Variants in NMNAT2 observed in about 807,000 individuals in gnomAD.
NMNAT2 encodes the protein nicotinamide nucleotide adenylyltransferase 2.
Under a neutral mutation model 41.6 loss-of-function variants are expected in NMNAT2, and 11 were observed. The ratio of observed to expected loss-of-function variants is 0.26; its 90% CI spans 0.17 to 0.44. The LOEUF is 0.44. NMNAT2 is among the 20% of genes least tolerant of loss of function. The probability of loss-of-function intolerance (pLI) is 1.00; values close to 1 mark genes in which losing one functional copy is unlikely to be tolerated. For missense variants in NMNAT2, 288 were observed against 407.7 expected, an observed-to-expected ratio of 0.71 and a Z score of 2.53; for synonymous variants, 148 against 151.2, an observed-to-expected ratio of 0.98 and a Z score of 0.16.
intron 1 of NMNAT2, among the ~76,000 whole-genome samples, chr1:183,348,428 A>G (rs919637148): frequency 1.3e-5 from 2 of 152,242 alleles, no homozygotes; most frequent in Non-Finnish European, 2.9e-5. Flanking sequence ...TCCCCTGTAT[A>G]TAAGGAACTG....
intron 1 of NMNAT2, among the ~76,000 whole-genome samples, chr1:183,362,321 G>C (rs1157121018): frequency 6.6e-6 from 1 of 152,092 alleles, no homozygotes; most frequent in African/African-American, 2.4e-5. Flanking sequence ...GTGATTTTTA[G>C]TGTCTTCAGA....
At position 183,403,230 on chromosome 1, in the gene NMNAT2, G is replaced by A. The variant is rs189533876; in HGVS notation, c.85+14953C>T. ...ATTACAGGCATGAGCCACTGCACCC[G>A]GCCAAACAACATCATATCTTATTCC... On this transcript the variant is annotated intron_variant, in intron 1 of 10. Transcript: ENST00000287713. Among the ~76,000 whole-genome samples, 65 of 152,144 alleles carry A rather than the reference G, an allele frequency of 4.3e-4. No individual in the cohort carries two copies. In the East Asian group the frequency reaches 0.012, roughly 28 times the overall value.
rs1660410953 is a variant in NMNAT2, at chr1:183,252,379, T to C, written c.*262A>G. On this transcript the variant is annotated 3_prime_UTR_variant, in exon 11 of 11. Transcript: ENST00000287713. ...ATGCTGGGAGACGGACACCAGTACA[T>C]CTCCAAGGACTGCACTTCCCCCGAC... The C allele has an allele frequency of 5.4e-5, 26 of 485,618 alleles. No homozygotes were observed. The highest frequency in any genetic ancestry group is 5.0e-4 in the South Asian group (23 of 45,888). The allele number at this position is 485,618 out of a possible 1,614,324, so 30.1% of individuals were successfully genotyped here. A position where few individuals can be genotyped will look rare whatever the true frequency, so the allele number is the denominator to read the frequency against.
Position 183,252,763 on chromosome 1 carries a change from A to G in NMNAT2, c.822-20T>C. On this transcript the variant is annotated intron_variant, in intron 10 of 10. Transcript: ENST00000287713. Reference sequence around the variant, plus strand: ...GCCAGCCTGCACAAGAAGAGATGACAATCAGATGGACATCCACACCCAAAG... The same window carrying G: ...GCCAGCCTGCACAAGAAGAGATGACGATCAGATGGACATCCACACCCAAAG... The G allele has an allele frequency of 6.3e-7, 1 of 1,577,330 alleles. No homozygotes were observed. Among genetic ancestry groups the G allele is most frequent in the Non-Finnish European group, 8.7e-7 (1 of 1,146,716 alleles).
chr1:183,360,531 GCC>G (rs1663285894), intron 1 of NMNAT2, among the ~76,000 whole-genome samples: 1 of 152,158 alleles, frequency 6.6e-6, no homozygotes, highest in South Asian at 2.1e-4. Context: ...CCACTTGGAG[GCC>G]CCTATAAACA....
intron 10 of NMNAT2, among the ~76,000 whole-genome samples, chr1:183,260,587 G>A (rs532424379): frequency 4.6e-4 from 70 of 152,248 alleles, no homozygotes; most frequent in African/African-American, 1.3e-3. Context: ...GGAGGCCGAG[G>A]TGGGCAGATC....
chr1:183,305,503 C>T (rs1661973654), intron 1 of NMNAT2, among the ~76,000 whole-genome samples: 2 of 152,118 alleles, frequency 1.3e-5, no homozygotes, highest in South Asian at 2.1e-4. Context: ...TTACCATACA[C>T]GCTTCTTAAC....
intron 1 of NMNAT2, among the ~76,000 whole-genome samples, chr1:183,310,163 G>T (rs1662080041): frequency 6.6e-6 from 1 of 152,172 alleles, no homozygotes; most frequent in Non-Finnish European, 1.5e-5. Context: ...GTCAACCTGG[G>T]TGGGTCTCAG....
At chr1:183,286,922 T>A in intron 4 of NMNAT2, 134 bp from the exon 5 acceptor site, 1 of 798,692 alleles carries the variant, frequency 1.3e-6, no homozygotes, top group Non-Finnish European at 1.9e-6. Context: ...GGATGGGTTC[T>A]AGACCCAGCT....
Position 183,284,738 on chromosome 1 carries a change from G to C in NMNAT2, c.501C>G (p.Arg167=). 6.2e-7 allele frequency: 1 copy of C among 1,614,098 alleles called. No individual in the cohort carries two copies. The highest frequency in any genetic ancestry group is 8.5e-7 in the Non-Finnish European group (1 of 1,179,978). Residue 167 remains arginine, a synonymous_variant, in exon 6 of 11, where the codon CGC becomes CGG. Coordinates refer to ENST00000287713, the MANE Select transcript of NMNAT2 (RefSeq NM_015039.4). ...CAAAGGTGAAACGCTCCACCGGCGG[G>C]CGGACACAGCAGATCCGGCTGAGGC... ...GESLSRICCV[R]PPVERFTFVD...
intron 1 of NMNAT2, among the ~76,000 whole-genome samples, chr1:183,364,695 T>TCTTTCTTTCTTTCTTTC (rs1663379543): frequency 1.0e-4 from 4 of 39,946 alleles, no homozygotes; most frequent in Non-Finnish European, 2.5e-4. Flanking sequence ...TTTTTTGTTG[T>TCTTTCTTTCTTTCTTTC]TGTTGTTATT....
intron 8 of NMNAT2, among the ~76,000 whole-genome samples, chr1:183,272,565 G>T (rs1661012739): frequency 6.6e-6 from 1 of 152,246 alleles, no homozygotes; most frequent in South Asian, 2.1e-4. Flanking sequence ...CACAAGGGAT[G>T]TGTTTGGGGT....
chr1:183,286,213 A>G (rs1661393841), intron 5 of NMNAT2, among the ~76,000 whole-genome samples: 1 of 152,112 alleles, frequency 6.6e-6, no homozygotes, highest in Non-Finnish European at 1.5e-5. Context: ...CTGGGACTAC[A>G]GGTGTGTGCC....
chr1:183,400,233 A>G (rs1263981958), intron 1 of NMNAT2, among the ~76,000 whole-genome samples: 2 of 152,256 alleles, frequency 1.3e-5, no homozygotes. Context: ...TACAAAATCC[A>G]TGTGCAAAAA....
At chr1:183,279,274 C>T (rs537258742) in intron 7 of NMNAT2, among the ~76,000 whole-genome samples, 3 of 152,366 alleles carry the variant, frequency 2.0e-5, no homozygotes, top group African/African-American at 7.2e-5. Context: ...ATTAAGCTCA[C>T]TCTGAATTAT....
At chr1:183,283,972 C>T (rs772870174) in intron 7 of NMNAT2, 23 bp downstream of exon 7, 29 of 1,613,190 alleles carry the variant, frequency 1.8e-5, no homozygotes, top group East Asian at 1.3e-4. Context: ...CCCCATTTTC[C>T]GCACTTTCGC....
chr1:183,383,264 A>G (rs1202925662), intron 1 of NMNAT2, among the ~76,000 whole-genome samples: 1 of 152,170 alleles, frequency 6.6e-6, no homozygotes, highest in Admixed American at 6.5e-5. Flanking sequence ...AGGGCAGCAG[A>G]GGCCTGGGCC....
intron 1 of NMNAT2, among the ~76,000 whole-genome samples, chr1:183,326,826 G>A (rs1662475751): frequency 6.6e-6 from 1 of 152,110 alleles, no homozygotes; most frequent in Non-Finnish European, 1.5e-5. Flanking sequence ...ATATACATTG[G>A]AGGAAGAATC....
intron 8 of NMNAT2, among the ~76,000 whole-genome samples, chr1:183,275,040 C>A (rs1233183673): frequency 1.3e-5 from 2 of 152,060 alleles, no homozygotes; most frequent in Non-Finnish European, 2.9e-5. Context: ...GGAGTTCCTG[C>A]CCCAGGTGGG....
Sources: gnomAD v4.1 joint callset for allele counts (sites outside exome capture counted in the v4.1 genomes callset) on GRCh38, gnomAD v4.1.1 for gene constraint, MANE v1.5 for transcripts, NCBI Gene and HGNC (gene_info 2026-07-23, HGNC 2026-07-21) for gene names.